SOX5: variants seen among roughly 807,000 people sequenced by gnomAD.
SOX5 encodes SRY-box transcription factor 5, also known as transcription factor SOX-5.
A neutral mutation model predicts 92.0 loss-of-function variants in SOX5; 9 were observed. The ratio of observed to expected loss-of-function variants is 0.10; its 90% CI spans 0.06 to 0.17. The LOEUF is 0.17. SOX5 is among the 10% of genes least tolerant of loss of function. The pLI is 1.00. For missense variants in SOX5, 642 were observed against 944.5 expected, an observed-to-expected ratio of 0.68 and a Z score of 4.20; for synonymous variants, 344 against 336.3, an observed-to-expected ratio of 1.02 and a Z score of -0.25.
intron 1 of SOX5, among the ~76,000 whole-genome samples, chr12:24,399,281 G>A (rs978892148): frequency 1.3e-5 from 2 of 152,134 alleles, no homozygotes; most frequent in Non-Finnish European, 2.9e-5. Flanking sequence ...AGGAGTGAAG[G>A]ACCCTGAGGC....
rs4287402 is a variant in SOX5, at chr12:24,325,384, A to G, written c.-174+43179T>C. Among the ~76,000 whole-genome samples, 261 of 152,306 alleles carry G rather than the reference A, an allele frequency of 1.7e-3. 4 individuals are homozygous for G. Among genetic ancestry groups the G allele is most frequent in the African/African-American group, 5.9e-3 (244 of 41,574 alleles). On this transcript the variant is annotated intron_variant, in intron 2 of 4. Coordinates refer to the SOX5 transcript ENST00000446891. ...ATTTTTAAACAAATCAATGTTTATC[A>G]TATCTCAGATATGATATTTCAGAGA...
chr12:23,744,708 A>AT (rs1380216436), intron 4 of SOX5, among the ~76,000 whole-genome samples: 2 of 152,120 alleles, frequency 1.3e-5, no homozygotes, highest in African/African-American at 2.4e-5. Context: ...CACTATTATT[A>AT]TTTTTTTGTG....
intron 2 of SOX5, among the ~76,000 whole-genome samples, chr12:24,298,316 A>G (rs1947528217): frequency 6.6e-6 from 1 of 152,182 alleles, no homozygotes; most frequent in Non-Finnish European, 1.5e-5. Context: ...TGATCCACCT[A>G]CCTCGGTCTC....
chr12:24,339,142 C>T (rs1051313026), intron 2 of SOX5, among the ~76,000 whole-genome samples: 1 of 122,072 alleles, frequency 8.2e-6, no homozygotes, highest in African/African-American at 3.4e-5. Context: ...GTCTCTGTTT[C>T]TCTCTCTCTC....
chr12:23,620,159 G>T (rs776842172), intron 8 of SOX5, among the ~76,000 whole-genome samples: 1 of 152,024 alleles, frequency 6.6e-6, no homozygotes, highest in Non-Finnish European at 1.5e-5. Flanking sequence ...ATACATACAG[G>T]AGGAAAAAAA....
At chr12:23,789,697 C>T (rs1165743057) in intron 3 of SOX5, among the ~76,000 whole-genome samples, 1 of 151,912 alleles carries the variant, frequency 6.6e-6, no homozygotes, top group African/African-American at 2.4e-5. Flanking sequence ...ACAAATATGC[C>T]AACCTCAATT....
At chr12:23,535,201 TC>T (rs1940063574) in intron 14 of SOX5, among the ~76,000 whole-genome samples, 1 of 152,214 alleles carries the variant, frequency 6.6e-6, no homozygotes, top group Admixed American at 6.5e-5. Flanking sequence ...ATAGTATTTT[TC>T]CCTAGAATTA....
intron 1 of SOX5, among the ~76,000 whole-genome samples, chr12:24,533,274 G>T (rs1487452475): frequency 6.6e-6 from 1 of 152,096 alleles, no homozygotes; most frequent in African/African-American, 2.4e-5. Context: ...AAATGAGTTA[G>T]ACTCGTTGAC....
chr12:24,356,589 C>T (rs1445674092), intron 2 of SOX5, among the ~76,000 whole-genome samples: 2 of 152,150 alleles, frequency 1.3e-5, no homozygotes, highest in Admixed American at 6.5e-5. Flanking sequence ...AGATACTTCA[C>T]TCCTCCTGTC....
At chr12:24,323,651 T>G (rs765189504) in intron 2 of SOX5, among the ~76,000 whole-genome samples, 1 of 152,150 alleles carries the variant, frequency 6.6e-6, no homozygotes. Context: ...TGGGAGTATT[T>G]TATTACATTT....
chr12:23,760,664 G>T (rs1594143175), intron 3 of SOX5, among the ~76,000 whole-genome samples: 2 of 151,796 alleles, frequency 1.3e-5, no homozygotes, highest in East Asian at 3.9e-4. Flanking sequence ...GCCTCTTTAG[G>T]GCCTGCTCAT....
At chr12:24,384,846 T>G (rs183259395) in intron 1 of SOX5, among the ~76,000 whole-genome samples, 1 of 152,202 alleles carries the variant, frequency 6.6e-6, no homozygotes, top group African/African-American at 2.4e-5. Flanking sequence ...ATCAAACCAT[T>G]TACTGGAAAC....
intron 6 of SOX5, among the ~76,000 whole-genome samples, chr12:23,707,933 A>AGCC (rs2091607074): frequency 6.6e-6 from 1 of 152,122 alleles, no homozygotes; most frequent in Non-Finnish European, 1.5e-5. Context: ...AAAGCTGAGG[A>AGCC]TTTTTAATTC....
At chr12:24,317,111 G>A (rs1243729920) in intron 2 of SOX5, among the ~76,000 whole-genome samples, 1 of 152,170 alleles carries the variant, frequency 6.6e-6, no homozygotes, top group Non-Finnish European at 1.5e-5. Flanking sequence ...AGAAAGAGCT[G>A]AGATCTTTTA....
chr12:23,977,857 T>C (rs1475378641), intron 4 of SOX5, among the ~76,000 whole-genome samples: 1 of 152,178 alleles, frequency 6.6e-6, no homozygotes, highest in East Asian at 1.9e-4. Context: ...AGAACTGTAG[T>C]CCAGATACTA....
At chr12:23,831,113 T>A (rs963263050) in intron 3 of SOX5, among the ~76,000 whole-genome samples, 1 of 152,142 alleles carries the variant, frequency 6.6e-6, no homozygotes. Context: ...GAGGATCTAA[T>A]GGTCTTATAG....
At chr12:23,590,379 T>C (rs141665864) in intron 9 of SOX5, among the ~76,000 whole-genome samples, 1 of 152,118 alleles carries the variant, frequency 6.6e-6, no homozygotes, top group East Asian at 1.9e-4. Flanking sequence ...GTTCTACAGA[T>C]GTATTACACT....
intron 4 of SOX5, among the ~76,000 whole-genome samples, chr12:24,130,869 C>T (rs1194938071): frequency 6.6e-6 from 1 of 152,142 alleles, no homozygotes; most frequent in Non-Finnish European, 1.5e-5. Flanking sequence ...CTGTCTTCAA[C>T]CCTCATTTCT....
intron 3 of SOX5, among the ~76,000 whole-genome samples, chr12:23,840,003 A>G (rs2096492842): frequency 6.6e-6 from 1 of 151,598 alleles, no homozygotes; most frequent in Admixed American, 6.6e-5. Context: ...AAAAAAAAAA[A>G]AAAAAGAAAG....
Sources: gnomAD v4.1 joint callset for allele counts (sites outside exome capture counted in the v4.1 genomes callset) on GRCh38, gnomAD v4.1.1 for gene constraint, MANE v1.5 for transcripts, NCBI Gene and HGNC (gene_info 2026-07-23, HGNC 2026-07-21) for gene names.